The following TPO variants were observed in gnomAD, a reference collection of about 807,000 sequenced individuals.
The protein encoded by TPO is thyroid peroxidase, also known as thyroid microsomal antigen.
TPO carries 78 observed loss-of-function variants against 96.9 expected under a neutral mutation model. The observed-to-expected ratio is 0.81, with a 90% CI of 0.67 to 0.97. TPO has a LOEUF of 0.97. Ranked by LOEUF, TPO falls within the 50% of genes least tolerant of loss-of-function variation. TPO has a pLI of 0.00. For synonymous variants in TPO, 547 were observed against 538.0 expected, an observed-to-expected ratio of 1.02 and a Z score of -0.23; for missense variants, 1,252 against 1,274.8, an observed-to-expected ratio of 0.98 and a Z score of 0.27.
At chr2:1,524,902 C>T (rs1676070163) in intron 15 of TPO, among the ~76,000 whole-genome samples, 1 of 129,590 alleles carries the variant, frequency 7.7e-6, no homozygotes, top group Non-Finnish European at 1.7e-5. Flanking sequence ...CACTGTACAA[C>T]CTCCTCAAAT....
chr2:1,508,510 G>T (rs1177096223), intron 14 of TPO, among the ~76,000 whole-genome samples: 2 of 152,100 alleles, frequency 1.3e-5, no homozygotes, highest in Non-Finnish European at 2.9e-5. Context: ...GAATCCATCT[G>T]GTCCTGGACT....
At chr2:1,466,587 T>G (rs1353241960) in intron 7 of TPO, among the ~76,000 whole-genome samples, 2 of 152,178 alleles carry the variant, frequency 1.3e-5, no homozygotes, top group African/African-American at 4.8e-5. Context: ...GTTCAGGGTG[T>G]CTAATTCTTC....
At chr2:1,519,386 C>G (rs1335475561) in intron 15 of TPO, among the ~76,000 whole-genome samples, 1 of 152,210 alleles carries the variant, frequency 6.6e-6, no homozygotes, top group African/African-American at 2.4e-5. Flanking sequence ...CCTGCTTCTC[C>G]TCGCGAGAAG....
chr2:1,406,317 T>A (rs990085949), intron 1 of TPO, among the ~76,000 whole-genome samples: 2 of 152,234 alleles, frequency 1.3e-5, no homozygotes, highest in Non-Finnish European at 2.9e-5. Context: ...CTGATTGAAG[T>A]ATTGGGCTTA....
chr2:1,521,152 C>T (rs1278534193), intron 15 of TPO, among the ~76,000 whole-genome samples: 1 of 152,088 alleles, frequency 6.6e-6, no homozygotes, highest in African/African-American at 2.4e-5. Context: ...ATTATAAATT[C>T]AAGAAAGTTT....
Position 1,421,478 on chromosome 2 carries a change from G to A in TPO, c.95-1567G>A, listed in dbSNP as rs188297774. On this transcript the variant is annotated intron_variant, in intron 2 of 16. Transcript: ENST00000329066. ...TTGTCTCACTCCAGAGCCCATGGCC[G>A]TCACCCCTCTGCCACTTAAGAATGC... Among the ~76,000 whole-genome samples the A allele has an allele frequency of 7.9e-5, 12 of 152,314 alleles. 1 individual carries two copies. The highest frequency in any genetic ancestry group is 3.9e-4 in the East Asian group (2 of 5,162).
chr2:1,504,257 G>A (rs1339709729), intron 14 of TPO, among the ~76,000 whole-genome samples, 178 bp downstream of exon 14: 1 of 152,226 alleles, frequency 6.6e-6, no homozygotes, highest in Non-Finnish European at 1.5e-5. Context: ...GGCAGAGGAT[G>A]CACTTCGTGT....
intron 16 of TPO, chr2:1,541,870 A>C (rs1415321823): frequency 6.5e-6 from 1 of 154,808 alleles, no homozygotes; most frequent in Non-Finnish European, 1.4e-5. Flanking sequence ...TCCCTTCTGA[A>C]ATTCAGTGTG....
At chr2:1,385,919 G>A (rs1661886414) in intron 1 of TPO, among the ~76,000 whole-genome samples, 1 of 152,000 alleles carries the variant, frequency 6.6e-6, no homozygotes, top group African/African-American at 2.4e-5. Flanking sequence ...TTGTGTCTTT[G>A]TTCTCGTTGG....
At chr2:1,375,479 C>A (rs1661709368) in intron 1 of TPO, among the ~76,000 whole-genome samples, 1 of 151,300 alleles carries the variant, frequency 6.6e-6, no homozygotes, top group African/African-American at 2.4e-5. Context: ...AAAGAGCGAG[C>A]AGGAGGGGAG....
intron 7 of TPO, among the ~76,000 whole-genome samples, chr2:1,459,319 T>C (rs1159660223): frequency 6.6e-6 from 1 of 151,966 alleles, no homozygotes; most frequent in East Asian, 1.9e-4. Flanking sequence ...ACCCGGCTAA[T>C]TTTTGTATTT....
chr2:1,455,600 G>C (rs1667717816), intron 6 of TPO, among the ~76,000 whole-genome samples: 1 of 152,190 alleles, frequency 6.6e-6, no homozygotes. Context: ...TGTCTGCGTG[G>C]AGAATGGAAA....
intron 7 of TPO, among the ~76,000 whole-genome samples, chr2:1,462,948 C>G (rs944974060): frequency 2.6e-5 from 4 of 152,124 alleles, no homozygotes; most frequent in Non-Finnish European, 5.9e-5. Flanking sequence ...TGTTGCCCAG[C>G]TTAGTAAAAT....
chr2:1,530,005 C>G (rs1349697390), intron 15 of TPO, among the ~76,000 whole-genome samples: 1 of 137,116 alleles, frequency 7.3e-6, no homozygotes, highest in African/African-American at 2.9e-5. Flanking sequence ...CGCCCAATCA[C>G]GACACTGTGT....
chr2:1,463,748 G>T, intron 7 of TPO, among the ~76,000 whole-genome samples: 1 of 152,138 alleles, frequency 6.6e-6, no homozygotes, highest in Non-Finnish European at 1.5e-5. Context: ...TCCACTGGGT[G>T]CTGCAAACCC....
chr2:1,520,457 T>G (rs1446303696), intron 15 of TPO, among the ~76,000 whole-genome samples: 11 of 152,170 alleles, frequency 7.2e-5, no homozygotes, highest in Admixed American at 7.2e-4. Context: ...CAGCAGGTGC[T>G]CAGCAAACAC....
chr2:1,440,755 C>T (rs1169700968), intron 5 of TPO, among the ~76,000 whole-genome samples: 1 of 151,938 alleles, frequency 6.6e-6, no homozygotes, highest in African/African-American at 2.4e-5. Flanking sequence ...TAGTCAGTGC[C>T]GCAGGACGTA....
At chr2:1,426,278 G>A (rs572134636) in intron 3 of TPO, among the ~76,000 whole-genome samples, 3 of 148,794 alleles carry the variant, frequency 2.0e-5, no homozygotes, top group Non-Finnish European at 4.4e-5. Flanking sequence ...AGAAGTCCAT[G>A]CTCCTTCTAT....
In TPO at chr2:1,482,257, C is replaced by T. The variant is rs115283226; in HGVS notation, c.1339-2339C>T. Among the ~76,000 whole-genome samples, 739 of 152,274 alleles carry T rather than the reference C, an allele frequency of 4.9e-3. 12 individuals carry two copies. Among genetic ancestry groups the T allele is most frequent in the African/African-American group, 0.016 (679 of 41,544 alleles). ...CCCGTGTGCTGGGGTCCTGGCTTCC[C>T]GTCACCTTCACGCCCATCATTTTCC... On this transcript the variant is annotated intron_variant, in intron 8 of 16. Transcript: ENST00000329066.
Sources: gnomAD v4.1 joint callset for allele counts (sites outside exome capture counted in the v4.1 genomes callset) on GRCh38, gnomAD v4.1.1 for gene constraint, MANE v1.5 for transcripts, NCBI Gene and HGNC (gene_info 2026-07-23, HGNC 2026-07-21) for gene names.